Variants in CERS6 observed in about 807,000 individuals in gnomAD.
CERS6 encodes the protein ceramide synthase 6.
In CERS6, 26 loss-of-function variants were observed where a neutral mutation model predicts 56.8. The ratio of observed to expected loss-of-function variants is 0.46; its 90% CI spans 0.34 to 0.63. The LOEUF is 0.63. Ranked by LOEUF, CERS6 falls within the 30% of genes least tolerant of loss-of-function variation. CERS6 has a pLI of 0.01. For synonymous variants in CERS6, 164 were observed against 173.3 expected (o/e 0.95, Z 0.42); for missense variants, 415 against 467.5 (o/e 0.89, Z 1.04).
chr2:168,750,059 C>T (rs1255015327), intron 8 of CERS6, among the ~76,000 whole-genome samples: 1 of 152,214 alleles, frequency 6.6e-6, no homozygotes, highest in African/African-American at 2.4e-5. Context: ...GTTGGCTTGG[C>T]AATGGCAATG....
At chr2:168,511,650 T>C (rs1694788872) in intron 1 of CERS6, among the ~76,000 whole-genome samples, 1 of 152,218 alleles carries the variant, frequency 6.6e-6, no homozygotes, top group Admixed American at 6.5e-5. Flanking sequence ...ATAATCTCTG[T>C]TCTTTTTTCT....
At chr2:168,745,267 A>G (rs931236081) in intron 8 of CERS6, among the ~76,000 whole-genome samples, 4 of 149,694 alleles carry the variant, frequency 2.7e-5, no homozygotes, top group African/African-American at 9.9e-5. Flanking sequence ...TTTTAGACGG[A>G]GTCTTGCTCT....
intron 3 of CERS6, among the ~76,000 whole-genome samples, chr2:168,621,223 A>G (rs1255786039): frequency 2.6e-5 from 4 of 152,184 alleles, no homozygotes; most frequent in Non-Finnish European, 5.9e-5. Context: ...ATAATAATAA[A>G]CATTTGGCTA....
At chr2:168,654,661 A>G (rs1048155808) in intron 4 of CERS6, among the ~76,000 whole-genome samples, 3 of 152,262 alleles carry the variant, frequency 2.0e-5, no homozygotes, top group Non-Finnish European at 2.9e-5. Flanking sequence ...ACACCAGTGC[A>G]AAACCTGCTC....
At chr2:168,536,430 A>G (rs1695265243) in intron 1 of CERS6, among the ~76,000 whole-genome samples, 1 of 152,178 alleles carries the variant, frequency 6.6e-6, no homozygotes, top group Non-Finnish European at 1.5e-5. Flanking sequence ...AAACCTATTT[A>G]TTTTAAATAA....
At chr2:168,566,810 A>AAC (rs1396929855) in intron 3 of CERS6, among the ~76,000 whole-genome samples, 2 of 138,476 alleles carry the variant, frequency 1.4e-5, no homozygotes, top group East Asian at 3.9e-4. Flanking sequence ...CAAAAAAAAA[A>AAC]AAACCCTGAA....
intron 1 of CERS6, among the ~76,000 whole-genome samples, chr2:168,495,811 A>T (rs1694457035): frequency 6.6e-6 from 1 of 152,058 alleles, no homozygotes; most frequent in South Asian, 2.1e-4. Flanking sequence ...GATTGTTTCC[A>T]TTTTGACTTT....
intron 3 of CERS6, among the ~76,000 whole-genome samples, chr2:168,618,854 ATTC>A (rs1160467741): frequency 1.3e-5 from 2 of 152,212 alleles, no homozygotes; most frequent in Non-Finnish European, 2.9e-5. Flanking sequence ...TACTACCATC[ATTC>A]TTAACAGAAC....
intron 4 of CERS6, among the ~76,000 whole-genome samples, chr2:168,672,340 C>G (rs1202167732): frequency 6.6e-6 from 1 of 152,144 alleles, no homozygotes; most frequent in Non-Finnish European, 1.5e-5. Flanking sequence ...CCTGAAGAAT[C>G]AGGTATTTGG....
rs368145173 is a variant in CERS6 at position 168,675,215 on chromosome 2, G to A, written c.466-15819G>A. 3.2e-4 allele frequency among the ~76,000 whole-genome samples: 49 copies of A among 151,986 alleles called. No individual in the cohort carries two copies. In the East Asian group the frequency reaches 7.0e-3, roughly 22 times the overall value. The stretch of plus-strand genomic sequence containing the variant: ...TCTCGATCTCCTGACCTTGTGATCC[G>A]CCCGCCTCAGCCTCCCAAAGTGCTG... On this transcript the variant is annotated intron_variant, in intron 4 of 9. Coordinates refer to ENST00000305747, the MANE Select transcript of CERS6 (RefSeq NM_203463.3).
At chr2:168,757,375 C>A (rs7606080) in intron 8 of CERS6, among the ~76,000 whole-genome samples, 15 of 136,070 alleles carry the variant, frequency 1.1e-4, no homozygotes, top group African/African-American at 2.8e-4. Flanking sequence ...AAAAAAAAAA[C>A]ATCTGCCCCA....
intron 3 of CERS6, among the ~76,000 whole-genome samples, chr2:168,613,783 G>A (rs1684243706): frequency 6.6e-6 from 1 of 152,134 alleles, no homozygotes; most frequent in Non-Finnish European, 1.5e-5. Flanking sequence ...TAGTGGCTAG[G>A]ACCAGAAATC....
At position 168,498,889 on chromosome 2, in the gene CERS6, G is replaced by C. The variant is rs1381612024; in HGVS notation, c.170+42271G>C. 5.3e-5 allele frequency among the ~76,000 whole-genome samples: 8 copies of C among 152,214 alleles called. No homozygotes were observed. In the South Asian group the frequency reaches 1.7e-3, roughly 32 times the overall value. On this transcript the variant is annotated intron_variant, in intron 1 of 9. Transcript: ENST00000305747. The stretch of plus-strand genomic sequence containing the variant: ...AGCCTAATTGTGGTTAGTGAGGAGG[G>C]GGTATAATGAGGTGTGTCTGACTTC...
intron 3 of CERS6, among the ~76,000 whole-genome samples, chr2:168,600,566 T>C (rs2105262197): frequency 6.6e-6 from 1 of 152,282 alleles, no homozygotes; most frequent in East Asian, 1.9e-4. Flanking sequence ...CCCCAGACCC[T>C]TTTCATATAT....
chr2:168,531,550 G>T (rs995907517), intron 1 of CERS6, among the ~76,000 whole-genome samples: 1 of 152,084 alleles, frequency 6.6e-6, no homozygotes, highest in South Asian at 2.1e-4. Context: ...GTCCGGGTGC[G>T]GTGGCTCACG....
At chr2:168,585,524 G>A (rs1683520272) in intron 3 of CERS6, among the ~76,000 whole-genome samples, 1 of 152,202 alleles carries the variant, frequency 6.6e-6, no homozygotes, top group African/African-American at 2.4e-5. Context: ...TTCTGCCTCA[G>A]TAAGACTCCC....
At position 168,759,897 on chromosome 2, in the gene CERS6, G is replaced by GT. The variant is rs909749756; in HGVS notation, c.846-5686dup. Among the ~76,000 whole-genome samples, 10 of 149,666 alleles carry GT rather than the reference G, an allele frequency of 6.7e-5. No individual in the cohort carries two copies. In the East Asian group the frequency reaches 1.2e-3, roughly 17 times the overall value. On this transcript the variant is annotated intron_variant, in intron 8 of 9. Transcript: ENST00000305747. ...AAGCCAAAAGCTGTACGTTGTGTGTGTTTTTTTTTGTACATATGTGTTTTG... is the reference window on the plus strand; with the variant it reads ...AAGCCAAAAGCTGTACGTTGTGTGTGTTTTTTTTTTGTACATATGTGTTTTG...
chr2:168,686,935 C>T (rs1686367754), intron 4 of CERS6, among the ~76,000 whole-genome samples: 1 of 152,178 alleles, frequency 6.6e-6, no homozygotes, highest in African/African-American at 2.4e-5. Flanking sequence ...TTATTTATCT[C>T]ATACATACAA....
Position 168,765,736 on chromosome 2 carries a change from T to C in CERS6, c.990T>C (p.Val330=), listed in dbSNP as rs763320618. The C allele has an allele frequency of 6.2e-7, 1 of 1,611,596 alleles. No individual in the cohort carries two copies. The highest frequency in any genetic ancestry group is 1.3e-5 in the African/African-American group (1 of 74,878). ...YLIVKIACKA[V]SRGKVSKDDR... is the part of the protein sequence containing the mutation. ...TTGTGAAAATAGCTTGCAAAGCTGT[T>C]TCAAGAGGCAAGGTAAGCTACAACT... Residue 330 remains valine, a synonymous_variant, in exon 9 of 10, where the codon GTT becomes GTC. Transcript: ENST00000305747.
Sources: gnomAD v4.1 joint callset for allele counts (sites outside exome capture counted in the v4.1 genomes callset) on GRCh38, gnomAD v4.1.1 for gene constraint, MANE v1.5 for transcripts, NCBI Gene and HGNC (gene_info 2026-07-23, HGNC 2026-07-21) for gene names.